CABCOCO1: variants seen among roughly 807,000 people sequenced by gnomAD.
CABCOCO1 encodes ciliary associated calcium binding coiled-coil 1, also known as ciliary-associated calcium-binding coiled-coil protein 1.
A neutral mutation model predicts 35.7 loss-of-function variants in CABCOCO1; 28 were observed. That is an observed-to-expected ratio of 0.78 (90% CI 0.58 to 1.07). The LOEUF is 1.07. CABCOCO1 is among the 50% of genes least tolerant of loss of function. The pLI, the probability that CABCOCO1 is intolerant of heterozygous loss-of-function variation, is 0.00. For missense variants in CABCOCO1, 326 were observed against 309.2 expected (o/e 1.05, Z -0.41); for synonymous variants, 95 against 100.1 (o/e 0.95, Z 0.30).
rs1841980351 is a variant in CABCOCO1, at chr10:61,760,190, CTTTT to C, written c.675+11_675+14del. 6.2e-7 allele frequency: 1 copy of C among 1,609,856 alleles called. No individual in the cohort carries two copies. The highest frequency in any genetic ancestry group is 1.7e-4 in the Middle Eastern group (1 of 6,032). ...TGGATACGGAAATGAAGGTATATTTCTTTTTGTCTTTCCATTCACCCTACCTCAT... is the reference window on the plus strand; with the variant it reads ...TGGATACGGAAATGAAGGTATATTTCTGTCTTTCCATTCACCCTACCTCAT... On this transcript the variant is annotated intron_variant, in intron 6 of 7. Transcript: ENST00000648843.
rs547404465 is a variant in CABCOCO1, at chr10:61,676,905, C to A, written c.164+4170C>A. Among the ~76,000 whole-genome samples, 8 of 151,178 alleles carry A rather than the reference C, an allele frequency of 5.3e-5. No individual in the cohort carries two copies. In the South Asian group the frequency reaches 8.4e-4, roughly 16 times the overall value. On this transcript the variant is annotated intron_variant, in intron 2 of 7. Transcript: ENST00000648843. Reference sequence around the variant, plus strand: ...TGAAACCCCATCTCTACTAAAAATACAAAAAAAATTTAGCCGAGCGTGGTG... The same window carrying A: ...TGAAACCCCATCTCTACTAAAAATAAAAAAAAAATTTAGCCGAGCGTGGTG...
chr10:61,666,870 A>C (rs1023343941), intron 1 of CABCOCO1, among the ~76,000 whole-genome samples: 4 of 147,656 alleles, frequency 2.7e-5, no homozygotes, highest in Non-Finnish European at 5.9e-5. Context: ...GCAGAAGAGA[A>C]TAGCAAATCC....
In CABCOCO1 at chr10:61,760,052, C is replaced by T. The variant is rs1204809515; in HGVS notation, c.553-7C>T. The T allele has an allele frequency of 1.2e-6, 2 of 1,611,912 alleles. No individual in the cohort carries two copies. The highest frequency in any genetic ancestry group is 1.7e-6 in the Non-Finnish European group (2 of 1,178,878). On this transcript the variant is annotated splice_polypyrimidine_tract_variant and splice_region_variant and intron_variant, in intron 5 of 7. Transcript: ENST00000648843. The stretch of plus-strand genomic sequence containing the variant: ...CTGTCATAATTCAACTTTTTTCTTC[C>T]CATCAGCAAGTGATAGAGGTTGTCA...
intron 2 of CABCOCO1, among the ~76,000 whole-genome samples, chr10:61,680,440 A>T (rs1449452218): frequency 3.0e-5 from 2 of 67,574 alleles, no homozygotes; most frequent in Non-Finnish European, 7.0e-5. Context: ...ATTAACATAT[A>T]TAATATATTT....
chr10:61,682,863 A>G (rs1470782734), intron 3 of CABCOCO1, among the ~76,000 whole-genome samples: 2 of 146,504 alleles, frequency 1.4e-5, no homozygotes, highest in East Asian at 2.0e-4. Context: ...ATGTAATAGT[A>G]CCAGGAGTTA....
intron 5 of CABCOCO1, among the ~76,000 whole-genome samples, chr10:61,742,643 C>T (rs925729712): frequency 6.6e-6 from 1 of 152,086 alleles, no homozygotes; most frequent in African/African-American, 2.4e-5. Flanking sequence ...AGGATTATCA[C>T]AAAGTAAAAA....
At chr10:61,687,315 C>T (rs868236003) in intron 4 of CABCOCO1, among the ~76,000 whole-genome samples, 6 of 152,220 alleles carry the variant, frequency 3.9e-5, no homozygotes, top group Middle Eastern at 6.8e-3. Flanking sequence ...TTGGGGGAGA[C>T]GACGGTAATC....
intron 5 of CABCOCO1, among the ~76,000 whole-genome samples, chr10:61,723,266 T>G (rs1303361241): frequency 6.6e-6 from 1 of 152,202 alleles, no homozygotes; most frequent in Non-Finnish European, 1.5e-5. Context: ...TAAAAAAGAC[T>G]TGATACAATT....
At chr10:61,691,966 A>G (rs373649951) in intron 5 of CABCOCO1, among the ~76,000 whole-genome samples, 1 of 152,100 alleles carries the variant, frequency 6.6e-6, no homozygotes, top group South Asian at 2.1e-4. Context: ...GTGTACATGT[A>G]TCTTTATAGT....
At chr10:61,712,629 T>C (rs1037124079) in intron 5 of CABCOCO1, among the ~76,000 whole-genome samples, 1 of 152,240 alleles carries the variant, frequency 6.6e-6, no homozygotes, top group Non-Finnish European at 1.5e-5. Flanking sequence ...AGGGTTTTTA[T>C]GGTTTTAGAT....
chr10:61,702,340 C>T (rs1044055533), intron 5 of CABCOCO1, among the ~76,000 whole-genome samples: 3 of 152,100 alleles, frequency 2.0e-5, no homozygotes, highest in Non-Finnish European at 2.9e-5. Flanking sequence ...ATGTTCTTCT[C>T]ATTAGTAAAG....
At chr10:61,667,441 A>G (rs2131946217) in intron 1 of CABCOCO1, among the ~76,000 whole-genome samples, 1 of 151,108 alleles carries the variant, frequency 6.6e-6, no homozygotes, top group East Asian at 1.9e-4. Context: ...CTAAAAAGTT[A>G]TTTTGTAAAG....
chr10:61,663,956 C>T (rs1370167796), intron 1 of CABCOCO1, among the ~76,000 whole-genome samples: 1 of 152,056 alleles, frequency 6.6e-6, no homozygotes, highest in South Asian at 2.1e-4. Flanking sequence ...GCTTGACTTC[C>T]TTATTCGTTG....
intron 5 of CABCOCO1, among the ~76,000 whole-genome samples, chr10:61,718,879 T>G (rs1055187609): frequency 6.6e-6 from 1 of 152,188 alleles, no homozygotes; most frequent in South Asian, 2.1e-4. Context: ...AAGGTGTTCA[T>G]TTCTACCCAA....
chr10:61,725,436 AG>A (rs2132046674), intron 5 of CABCOCO1, among the ~76,000 whole-genome samples: 1 of 152,358 alleles, frequency 6.6e-6, no homozygotes, highest in Non-Finnish European at 1.5e-5. Flanking sequence ...GCCATAAAAA[AG>A]GATGAGTTCA....
At chr10:61,739,802 C>T (rs1841508720) in intron 5 of CABCOCO1, among the ~76,000 whole-genome samples, 2 of 152,126 alleles carry the variant, frequency 1.3e-5, no homozygotes, top group East Asian at 1.9e-4. Context: ...TTTAGCCAGG[C>T]ATGGTGGCAC....
At chr10:61,693,348 T>C (rs958833754) in intron 5 of CABCOCO1, among the ~76,000 whole-genome samples, 1 of 152,134 alleles carries the variant, frequency 6.6e-6, no homozygotes, top group Admixed American at 6.6e-5. Flanking sequence ...AATATGATTA[T>C]TCATGCTGAT....
intron 5 of CABCOCO1, among the ~76,000 whole-genome samples, chr10:61,741,961 G>A (rs1451993705): frequency 1.3e-5 from 2 of 152,142 alleles, no homozygotes; most frequent in African/African-American, 4.8e-5. Context: ...TTCTCTGGCT[G>A]CTGTTTGTAC....
At chr10:61,698,966 A>G (rs1466959170) in intron 5 of CABCOCO1, among the ~76,000 whole-genome samples, 1 of 152,070 alleles carries the variant, frequency 6.6e-6, no homozygotes, top group African/African-American at 2.4e-5. Flanking sequence ...TACCCTTGAG[A>G]TGTACCTATC....
Sources: allele counts gnomAD v4.1 joint callset (sites outside exome capture counted in the v4.1 genomes callset), GRCh38; gene constraint gnomAD v4.1.1; transcripts MANE v1.5; gene names NCBI Gene and HGNC (gene_info 2026-07-23, HGNC 2026-07-21).